Variants in ZNF700 observed in about 807,000 individuals in gnomAD.
ZNF700 encodes zinc finger protein 700.
In ZNF700, 38 loss-of-function variants were observed where a neutral mutation model predicts 65.3. The observed-to-expected ratio is 0.58, with a 90% CI of 0.45 to 0.76. The LOEUF (loss-of-function observed/expected upper bound fraction) is 0.76, where lower values mean the gene tolerates loss of function less well. ZNF700 is among the 30% of genes least tolerant of loss of function. ZNF700 has a pLI of 0.00. For missense variants in ZNF700, 857 were observed against 888.4 expected (o/e 0.96, Z 0.45); for synonymous variants, 285 against 290.4 (o/e 0.98, Z 0.19).
Position 11,949,190 on chromosome 19 carries a change from G to C in ZNF700, c.1166G>C (p.Arg389Pro), listed in dbSNP as rs139554356. ...THEKTHTGEK[R>P]YKCKQCGKAF... ...GAAAAAACTCACACTGGAGAGAAACGCTATAAATGCAAGCAATGTGGTAAA... is the reference window on the plus strand; with the variant it reads ...GAAAAAACTCACACTGGAGAGAAACCCTATAAATGCAAGCAATGTGGTAAA... The change falls in exon 4 of 4, where the codon CGC becomes CCC. Residue 389 changes from arginine (R) to proline (P), a missense_variant. Physicochemically the swap from Arg to Pro is moderately radical, Grantham distance 103. Around this residue, in one of 3 missense-constraint regions of ZNF700, gnomAD observed 603 missense variants for 619.9 expected, o/e 0.97. Coordinates refer to ENST00000254321, the MANE Select transcript of ZNF700 (RefSeq NM_144566.3). 5.2e-4 allele frequency: 838 copies of C among 1,607,708 alleles called. 8 individuals carry two copies. In the African/African-American group the frequency reaches 0.01, roughly 20 times the overall value.
chr19:11,939,498 G>C (rs1375105485), intron 1 of ZNF700, among the ~76,000 whole-genome samples: 1 of 152,254 alleles, frequency 6.6e-6, no homozygotes, highest in East Asian at 1.9e-4. Flanking sequence ...TTCCCCATTT[G>C]TTGTTTTTGT....
chr19:11,946,170 A>T (rs1972956021), intron 1 of ZNF700, among the ~76,000 whole-genome samples: 1 of 151,948 alleles, frequency 6.6e-6, no homozygotes, highest in Non-Finnish European at 1.5e-5. Flanking sequence ...GCTTGGAGCC[A>T]TTTTGTTTCT....
In ZNF700 at chr19:11,948,923, A is replaced by C; in HGVS notation, c.899A>C (p.His300Pro). 6.2e-7 allele frequency: 1 copy of C among 1,607,170 alleles called. No homozygotes were observed. Among genetic ancestry groups the C allele is most frequent in the Non-Finnish European group, 8.5e-7 (1 of 1,178,512 alleles). The change falls in exon 4 of 4, where the codon CAC becomes CCC. Residue 300 changes from histidine (H) to proline (P), a missense_variant. Transcript: ENST00000254321. ...SSSYHRHERS[H>P]MGEKPYQCKE... Reference sequence around the variant, plus strand: ...TCCTATCATAGACATGAAAGAAGTCACATGGGAGAGAAGCCTTATCAATGC... The same window carrying C: ...TCCTATCATAGACATGAAAGAAGTCCCATGGGAGAGAAGCCTTATCAATGC...
At chr19:11,930,363 G>T (rs1336544894) in intron 1 of ZNF700, among the ~76,000 whole-genome samples, 2 of 148,494 alleles carry the variant, frequency 1.3e-5, no homozygotes, top group East Asian at 3.9e-4. Context: ...CAGGGAGGTG[G>T]TCACCAGAAT....
At chr19:11,937,120 T>C (rs971384113) in intron 1 of ZNF700, among the ~76,000 whole-genome samples, 2 of 152,230 alleles carry the variant, frequency 1.3e-5, no homozygotes, top group Non-Finnish European at 2.9e-5. Context: ...TCACAGATCA[T>C]GCTTTTTGTG....
At chr19:11,943,658 A>G (rs1050861222) in intron 1 of ZNF700, among the ~76,000 whole-genome samples, 1 of 152,176 alleles carries the variant, frequency 6.6e-6, no homozygotes, top group Non-Finnish European at 1.5e-5. Context: ...TATACAGGCA[A>G]GTTCCTTTTA....
At position 11,950,343 on chromosome 19, in the gene ZNF700, T is replaced by A; in HGVS notation, c.*90T>A. 1 of 1,316,570 alleles carries A rather than the reference T, an allele frequency of 7.6e-7. No homozygotes were observed. The highest frequency in any genetic ancestry group is 1.1e-6 in the Non-Finnish European group (1 of 938,182). 81.6% of individuals were successfully genotyped at this position (1,316,570 alleles called of 1,614,324 possible). A position where few individuals can be genotyped will look rare whatever the true frequency, so the allele number is the denominator to read the frequency against. ...GTGGCAAAACTTTCACATTTTCCAG[T>A]TCTTTTCGATATCATGAAAGGACTC... On this transcript the variant is annotated 3_prime_UTR_variant, in exon 4 of 4. Transcript: ENST00000254321.
chr19:11,926,418 G>C (rs762162244), intron 1 of ZNF700, among the ~76,000 whole-genome samples: 6 of 152,110 alleles, frequency 3.9e-5, no homozygotes, highest in Non-Finnish European at 5.9e-5. Context: ...TTGAGACGGA[G>C]TCTCCTGTCG....
chr19:11,950,274 TGAA>T lies in ZNF700; in HGVS notation c.*22_*24del, dbSNP rs1272884423. 3 of 1,593,810 alleles carry T rather than the reference TGAA, an allele frequency of 1.9e-6. No homozygotes were observed. Among genetic ancestry groups the T allele is most frequent in the Non-Finnish European group, 2.6e-6 (3 of 1,173,040 alleles). On this transcript the variant is annotated 3_prime_UTR_variant, in exon 4 of 4. Transcript: ENST00000254321. ...GCTAGCCTGGTTCCTTTTATGGACA[TGAA>T]TAGACTCACACTGGAAGGAAGCACT...
At chr19:11,937,316 A>G (rs1972810959) in intron 1 of ZNF700, among the ~76,000 whole-genome samples, 1 of 152,048 alleles carries the variant, frequency 6.6e-6, no homozygotes, top group Non-Finnish European at 1.5e-5. Flanking sequence ...TTTCAGTACC[A>G]TTTGTTGTAT....
Position 11,950,384 on chromosome 19 carries a change from C to T in ZNF700, c.*131C>T. 2 of 948,666 alleles carry T rather than the reference C, an allele frequency of 2.1e-6. No homozygotes were observed. The highest frequency in any genetic ancestry group is 2.2e-5 in the Admixed American group (1 of 45,758). 58.8% of individuals were successfully genotyped at this position (948,666 alleles called of 1,614,324 possible). On this transcript the variant is annotated 3_prime_UTR_variant, in exon 4 of 4. Coordinates refer to ENST00000254321, the MANE Select transcript of ZNF700 (RefSeq NM_144566.3). The stretch of plus-strand genomic sequence containing the variant: ...GAAAGGACTCACACTGGGGAGAAAC[C>T]CTATCAATGTAAGCAGTGTGGGAAA...
intron 1 of ZNF700, among the ~76,000 whole-genome samples, chr19:11,932,292 T>TA (rs1390957178): frequency 6.8e-6 from 1 of 147,416 alleles, no homozygotes; most frequent in Non-Finnish European, 1.5e-5. Flanking sequence ...TGCAGTGAGC[T>TA]ATGATTGCAC....
Position 11,950,423 on chromosome 19 carries a change from T to G in ZNF700, c.*170T>G, listed in dbSNP as rs1973048982. 9.2e-6 allele frequency: 7 copies of G among 761,864 alleles called. No individual in the cohort carries two copies. 47.2% of individuals were successfully genotyped at this position (761,864 alleles called of 1,614,324 possible). On this transcript the variant is annotated 3_prime_UTR_variant, in exon 4 of 4. Coordinates refer to ENST00000254321, the MANE Select transcript of ZNF700 (RefSeq NM_144566.3). ...CAGTGTGGGAAAGCCTTCATTCCTT[T>G]TACTTCTTTTCAATGTCATGAAAGG...
intron 1 of ZNF700, among the ~76,000 whole-genome samples, chr19:11,944,051 G>C (rs1972923762): frequency 6.6e-6 from 1 of 152,110 alleles, no homozygotes; most frequent in African/African-American, 2.4e-5. Context: ...TCCACCATGG[G>C]CACAAGGGGG....
At chr19:11,936,718 T>C (rs911406919) in intron 1 of ZNF700, among the ~76,000 whole-genome samples, 1 of 152,212 alleles carries the variant, frequency 6.6e-6, no homozygotes, top group African/African-American at 2.4e-5. Flanking sequence ...CAATTTTGGC[T>C]TCTGTTGCCA....
At position 11,947,201 on chromosome 19, in the gene ZNF700, T is replaced by C. The variant is rs751225821; in HGVS notation, c.84T>C (p.Asp28=). ...SREMDPVAFE[D]VAVNFTQEEW... ...TTCAGGACCCAGTGGCCTTTGAGGA[T>C]GTGGCTGTGAACTTCACCCAGGAAG... Residue 28 remains aspartate (D), a synonymous_variant, in exon 2 of 4, where the codon GAT becomes GAC. Transcript: ENST00000254321. The C allele has an allele frequency of 1.1e-5, 18 of 1,613,802 alleles. No individual in the cohort carries two copies. In the East Asian group the frequency reaches 4.0e-4, roughly 36 times the overall value.
chr19:11,928,667 G>A (rs935347090), intron 1 of ZNF700, among the ~76,000 whole-genome samples: 1 of 146,054 alleles, frequency 6.8e-6, no homozygotes, highest in African/African-American at 2.7e-5. Context: ...GGGAGGCGGA[G>A]CTTGCAGTGA....
rs1972604367 is a variant in ZNF700, at chr19:11,925,177, G to C, written c.-34G>C. ...CCAGCCCGAGAGGGACCTGGTGCCTGTACCCAGGCTTCTGTCGCTCTGTCG... is the reference window on the plus strand; with the variant it reads ...CCAGCCCGAGAGGGACCTGGTGCCTCTACCCAGGCTTCTGTCGCTCTGTCG... On this transcript the variant is annotated 5_prime_UTR_variant, in exon 1 of 4. Coordinates refer to ENST00000254321, the MANE Select transcript of ZNF700 (RefSeq NM_144566.3). 2.5e-6 allele frequency: 4 copies of C among 1,609,814 alleles called. No homozygotes were observed. Among genetic ancestry groups the C allele is most frequent in the East Asian group, 4.5e-5 (2 of 44,644 alleles).
At chr19:11,930,425 A>T (rs1436246183) in intron 1 of ZNF700, among the ~76,000 whole-genome samples, 1 of 148,460 alleles carries the variant, frequency 6.7e-6, no homozygotes, top group East Asian at 1.9e-4. Flanking sequence ...AACTGGGAGG[A>T]GGTGTAGAAC....
Sources: gnomAD v4.1 joint callset for allele counts (sites outside exome capture counted in the v4.1 genomes callset) on GRCh38, gnomAD v4.1.1 for gene constraint, gnomAD v4.1.1 regional missense constraint, MANE v1.5 for transcripts, NCBI Gene and HGNC (gene_info 2026-07-23, HGNC 2026-07-21) for gene names.